The following SPDYE1 variants were observed in gnomAD, a reference collection of about 807,000 sequenced individuals.
SPDYE1 encodes the protein speedy protein E1.
Under a neutral mutation model 45.9 loss-of-function variants are expected in SPDYE1, and 29 were observed. That is an observed-to-expected ratio of 0.63 (90% confidence interval 0.47 to 0.86). SPDYE1 has a LOEUF of 0.86. SPDYE1 is among the 40% of genes least tolerant of loss of function. The pLI is 0.00. For missense variants in SPDYE1, 346 were observed against 481.4 expected (o/e 0.72, Z 2.63); for synonymous variants, 134 against 176.8 (o/e 0.76, Z 1.92).
rs895273245 is a variant in SPDYE1 at position 43,999,546 on chromosome 7, C to T, written c.-404C>T. Among the ~76,000 whole-genome samples the T allele has an allele frequency of 7.2e-5, 11 of 152,132 alleles. No individual in the cohort carries two copies. Among genetic ancestry groups the T allele is most frequent in the Admixed American group, 5.9e-4 (9 of 15,254 alleles). ...CCACCAGACTGGACTCTGAAATGGG[C>T]ACGTACAGAGACGAAGAGACCCCAA... On this transcript the variant is annotated 5_prime_UTR_variant, in exon 2 of 9. Coordinates refer to ENST00000693451, the MANE Select transcript of SPDYE1 (RefSeq NM_001378423.2).
At chr7:44,000,642 T>C (rs1562628751) in intron 2 of SPDYE1, among the ~76,000 whole-genome samples, 2 of 151,160 alleles carry the variant, frequency 1.3e-5, no homozygotes, top group Non-Finnish European at 3.0e-5. Flanking sequence ...AAGTACAAAA[T>C]TGAGCTGGGC....
At chr7:44,004,262 T>G in intron 5 of SPDYE1, 1 of 391,586 alleles carries the variant, frequency 2.6e-6, no homozygotes, top group Non-Finnish European at 4.7e-6. Flanking sequence ...CCTGAACACC[T>G]GACCTCAGGC....
intron 4 of SPDYE1, 52 bp downstream of exon 4, chr7:44,002,869 G>A: frequency 1.7e-6 from 2 of 1,181,850 alleles, no homozygotes; most frequent in South Asian, 1.3e-5. Context: ...CCAAAAACAG[G>A]AAACTTCCAA....
chr7:44,002,546 T>A, intron 3 of SPDYE1, 44 bp from the exon 4 acceptor site: 1 of 1,549,740 alleles, frequency 6.5e-7, no homozygotes, highest in Non-Finnish European at 8.7e-7. Flanking sequence ...TCTAGTGTGA[T>A]CAACTGCAGA....
At chr7:44,005,115 C>T in intron 5 of SPDYE1, 27 bp from the exon 6 acceptor site, 1 of 1,610,876 alleles carries the variant, frequency 6.2e-7, no homozygotes, top group Non-Finnish European at 8.5e-7. Context: ...TGACCTCTCC[C>T]TCTCTGTGTT....
intron 5 of SPDYE1, 148 bp downstream of exon 5, chr7:44,004,059 A>G: frequency 7.6e-7 from 1 of 1,310,562 alleles, no homozygotes; most frequent in Non-Finnish European, 1.0e-6. Context: ...TGTGTGAGAC[A>G]GAGTCTTGCT....
At position 44,002,679 on chromosome 7, in the gene SPDYE1, G is replaced by A. The variant is rs2096065408; in HGVS notation, c.469G>A (p.Glu157Lys). The change falls in exon 4 of 9, where the codon GAG becomes AAG. Residue 157 changes from glutamate (E) to lysine (K), a missense_variant. Coordinates refer to ENST00000693451, the MANE Select transcript of SPDYE1 (RefSeq NM_001378423.2). ...GGACAAATCTGAGGAGTCGGAGGAG[G>A]AGCCACGGAAGGTGCTCGCCCCTGA... ...WWDKSEESEE[E>K]PRKVLAPEPE... 1.3e-6 allele frequency: 2 copies of A among 1,597,504 alleles called. No homozygotes were observed. The highest frequency in any genetic ancestry group is 4.5e-5 in the East Asian group (2 of 44,842).
chr7:44,007,742 G>C lies in SPDYE1; in HGVS notation c.1105G>C (p.Ala369Pro). The change falls in exon 8 of 9, where the codon GCG becomes CCG. Residue 369 changes from alanine to proline, a missense_variant. Physicochemically the swap from Ala to Pro is conservative, Grantham distance 27. Around this residue, in one of 4 missense-constraint regions of SPDYE1, gnomAD observed 186 missense variants for 219.1 expected, o/e 0.85. Transcript: ENST00000693451. ...TTATGACCCAGAGCACTGGGTGTGG[G>C]CGCGAGATCGCGCTCGCCTTTCCTA... The part of the protein sequence containing the change: ...QAYDPEHWVW[A>P]RDRARLS The C allele has an allele frequency of 6.2e-7, 1 of 1,611,434 alleles. No individual in the cohort carries two copies.
In SPDYE1 at chr7:44,007,337, G is replaced by A. The variant is rs2096072737; in HGVS notation, c.822G>A (p.Gly274=). ...AAAACATCTTCCACTTCCTGTATGGGAAGAACCGCTCTCGCATACCCTTGC... is the reference window on the plus strand; with the variant it reads ...AAAACATCTTCCACTTCCTGTATGGAAAGAACCGCTCTCGCATACCCTTGC... ...SKQNIFHFLY[G]KNRSRIPLLR... The change falls in exon 7 of 9, where the codon GGG becomes GGA. Residue 274 remains glycine (G), a synonymous_variant. Transcript: ENST00000693451. The A allele has an allele frequency of 1.2e-6, 2 of 1,613,006 alleles. No individual in the cohort carries two copies. The highest frequency in any genetic ancestry group is 1.7e-6 in the Non-Finnish European group (2 of 1,179,592).
At chr7:43,998,703 G>A (rs1252343179) in intron 1 of SPDYE1, among the ~76,000 whole-genome samples, 1 of 131,936 alleles carries the variant, frequency 7.6e-6, no homozygotes, top group Non-Finnish European at 1.6e-5. Flanking sequence ...ACAGTATCTT[G>A]CTGTGTTGCC....
rs1255298236 is a variant in SPDYE1, at chr7:44,005,244, C to T, written c.752+17C>T. On this transcript the variant is annotated intron_variant, in intron 6 of 8. Transcript: ENST00000693451. ...CCTGGCTCTGTGAGTGGTTTGCTGCCTCCTATCCGTCAATATCCAATGCCC... is the reference window on the plus strand; with the variant it reads ...CCTGGCTCTGTGAGTGGTTTGCTGCTTCCTATCCGTCAATATCCAATGCCC... 1.9e-6 allele frequency: 3 copies of T among 1,611,708 alleles called. No homozygotes were observed. The highest frequency in any genetic ancestry group is 2.5e-6 in the Non-Finnish European group (3 of 1,179,748).
intron 8 of SPDYE1, 173 bp downstream of exon 8, chr7:44,007,986 C>G: frequency 6.8e-7 from 1 of 1,470,780 alleles, no homozygotes; most frequent in Non-Finnish European, 9.0e-7. Flanking sequence ...CCCAACTACT[C>G]AGGAGGCCGA....
Position 44,007,441 on chromosome 7 carries a change from G to A in SPDYE1, c.926G>A (p.Arg309His), listed in dbSNP as rs145768335. Residue 309 changes from arginine (R) to histidine (H), a missense_variant, in exon 7 of 9, where the codon CGT becomes CAT. Physicochemically the swap from Arg to His is conservative, Grantham distance 29. Around this residue, in one of 4 missense-constraint regions of SPDYE1, gnomAD observed 186 missense variants for 219.1 expected, o/e 0.85. Transcript: ENST00000693451. ...AACCGCTCTCACATACCCTTGGTCC[G>A]TAAGCGTCGGTTCCAGTTACGCCGT... ...RKNRSHIPLV[R>H]KRRFQLRRCM... The A allele has an allele frequency of 6.5e-5, 103 of 1,572,828 alleles. No individual in the cohort carries two copies. In the African/African-American group the frequency reaches 1.2e-3, roughly 18 times the overall value.
chr7:44,002,319 C>CAAAAAAAAAAAA (rs57275170), intron 3 of SPDYE1, among the ~76,000 whole-genome samples: 3 of 43,330 alleles, frequency 6.9e-5, no homozygotes, highest in Admixed American at 3.0e-4. Context: ...ACAACAACAA[C>CAAAAAAAAAAAA]AAAAAAAAAA....
At chr7:44,001,939 CAAA>C (rs202109454) in intron 3 of SPDYE1, among the ~76,000 whole-genome samples, 11 of 86,792 alleles carry the variant, frequency 1.3e-4, no homozygotes, top group Admixed American at 2.5e-4. Flanking sequence ...GACGCTGTCT[CAAA>C]AAAAAAAAAA....
At chr7:44,004,143 C>T in intron 5 of SPDYE1, 3 of 691,934 alleles carry the variant, frequency 4.3e-6, no homozygotes, top group South Asian at 1.9e-5. Flanking sequence ...TCAAGCGATT[C>T]TCCTGCCTCA....
chr7:44,000,173 T>A (rs2096060794), intron 2 of SPDYE1, 64 bp downstream of exon 2: 1 of 982,324 alleles, frequency 1.0e-6, no homozygotes. Flanking sequence ...GGGGGCCGGG[T>A]GCGGTGGCTC....
rs375126866 is a variant in SPDYE1, at chr7:44,002,321, A to AC, written c.380-269_380-268insC. ...AGACTGTTTCTCAACAACAACAACA[A>AC]AAAAAAAAAAAAAAAAAAAGGGACT... On this transcript the variant is annotated intron_variant, in intron 3 of 8. Transcript: ENST00000693451. Among the ~76,000 whole-genome samples the AC allele has an allele frequency of 9.6e-4, 90 of 93,274 alleles. 1 individual carries two copies. The highest frequency in any genetic ancestry group is 2.5e-3 in the African/African-American group (63 of 25,396). The allele number at this position is 93,274 out of a possible 152,430, so 61.2% of individuals were successfully genotyped here.
chr7:44,004,141 T>C (rs1313075237), intron 5 of SPDYE1: 9 of 700,922 alleles, frequency 1.3e-5, no homozygotes, highest in African/African-American at 3.6e-5. Context: ...GTTCAAGCGA[T>C]TCTCCTGCCT....
Sources: allele counts gnomAD v4.1 joint callset (sites outside exome capture counted in the v4.1 genomes callset), GRCh38; gene constraint gnomAD v4.1.1; regional missense constraint gnomAD v4.1.1; transcripts MANE v1.5; gene names NCBI Gene and HGNC (gene_info 2026-07-23, HGNC 2026-07-21).